Variants in CFAP58 observed in about 807,000 individuals in gnomAD.
CFAP58 encodes cilia- and flagella-associated protein 58.
In CFAP58, 88 loss-of-function variants were observed where a neutral mutation model predicts 119.5. The ratio of observed to expected loss-of-function variants is 0.74; its 90% CI spans 0.62 to 0.88. CFAP58 has a LOEUF of 0.88. Ranked by LOEUF, CFAP58 falls within the 40% of genes least tolerant of loss-of-function variation. The pLI is 0.00. For synonymous variants in CFAP58, 365 were observed against 366.3 expected (o/e 1.00, Z 0.04); for missense variants, 990 against 1,021.2 (o/e 0.97, Z 0.42).
intron 13 of CFAP58, among the ~76,000 whole-genome samples, chr10:104,401,381 G>A (rs921557669): frequency 3.3e-5 from 5 of 152,140 alleles, no homozygotes; most frequent in Non-Finnish European, 7.4e-5. Context: ...TGAAAACTTC[G>A]TTTCCTTAGA....
At chr10:104,361,664 C>T (rs558998850) in intron 2 of CFAP58, among the ~76,000 whole-genome samples, 21 of 152,302 alleles carry the variant, frequency 1.4e-4, no homozygotes, top group South Asian at 4.1e-4. Context: ...AAAAAATACC[C>T]TCTGCCAGTC....
chr10:104,371,088 C>T, intron 7 of CFAP58, 34 bp downstream of exon 7: 1 of 1,576,464 alleles, frequency 6.3e-7, no homozygotes, highest in Non-Finnish European at 8.6e-7. Context: ...CATTTAGAAA[C>T]ATTTTATTGG....
At chr10:104,453,282 A>T (rs1452277488) in intron 17 of CFAP58, among the ~76,000 whole-genome samples, 3 of 152,194 alleles carry the variant, frequency 2.0e-5, no homozygotes, top group Non-Finnish European at 2.9e-5. Context: ...CTATTTATGG[A>T]GAATGGTTTT....
At chr10:104,423,380 A>G (rs913960520) in intron 15 of CFAP58, among the ~76,000 whole-genome samples, 76 of 152,308 alleles carry the variant, frequency 5.0e-4, no homozygotes, top group African/African-American at 1.7e-3. Flanking sequence ...TTTGATATTT[A>G]TAGTTATTGA....
intron 11 of CFAP58, among the ~76,000 whole-genome samples, chr10:104,394,207 C>A (rs2012107715): frequency 6.6e-6 from 1 of 152,220 alleles, no homozygotes; most frequent in African/African-American, 2.4e-5. Context: ...ACTATACACA[C>A]CACTAAACCT....
the CFAP58 span, among the ~76,000 whole-genome samples, chr10:104,338,949 AG>A: frequency 2.5e-3 from 350 of 142,564 alleles, no homozygotes; most frequent in Non-Finnish European, 4.2e-3. Flanking sequence ...CTTGTTGCCC[AG>A]GCTGGAGTGC....
At chr10:104,452,825 C>T (rs1210996711) in intron 17 of CFAP58, among the ~76,000 whole-genome samples, 14 of 152,156 alleles carry the variant, frequency 9.2e-5, no homozygotes, top group Admixed American at 5.2e-4. Flanking sequence ...TGTCCTTACA[C>T]GCTTATTACT....
At chr10:104,409,797 T>G (rs115662239) in intron 15 of CFAP58, among the ~76,000 whole-genome samples, 1,766 of 152,318 alleles carry the variant, frequency 0.012, 41 homozygotes, top group African/African-American at 0.04. Context: ...TTTTCCTATA[T>G]TTTTACTTTT....
chr10:104,420,952 T>C (rs1284806658), intron 15 of CFAP58, among the ~76,000 whole-genome samples: 1 of 151,928 alleles, frequency 6.6e-6, no homozygotes, highest in African/African-American at 2.4e-5. Context: ...GGGTTTTTGC[T>C]ATGTTGCTCA....
intron 3 of CFAP58, among the ~76,000 whole-genome samples, chr10:104,363,839 G>T (rs2014704457): frequency 6.6e-6 from 1 of 152,232 alleles, no homozygotes; most frequent in South Asian, 2.1e-4. Context: ...GCAAGAGTCT[G>T]CAGTGCAAGT....
intron 15 of CFAP58, among the ~76,000 whole-genome samples, chr10:104,438,627 G>A (rs966075256): frequency 4.6e-5 from 7 of 152,056 alleles, no homozygotes; most frequent in Non-Finnish European, 8.8e-5. Context: ...CACCCACCTC[G>A]GCCTCCCAAA....
chr10:104,428,610 G>A (rs1187188523), intron 15 of CFAP58, among the ~76,000 whole-genome samples: 1 of 152,198 alleles, frequency 6.6e-6, no homozygotes, highest in Non-Finnish European at 1.5e-5. Context: ...ACAGGCATGA[G>A]TGCAAGTTGC....
chr10:104,393,625 C>T, intron 11 of CFAP58, 150 bp downstream of exon 11: 1 of 680,786 alleles, frequency 1.5e-6, no homozygotes, highest in South Asian at 2.1e-5. Flanking sequence ...GCACACAAGG[C>T]ACCAGGAGGA....
At chr10:104,349,033 G>T (rs752957106), upstream of CFAP58, among the ~76,000 whole-genome samples, 60 of 152,264 alleles carry the variant, frequency 3.9e-4, no homozygotes, top group Middle Eastern at 3.4e-3. Flanking sequence ...GATCACTTGA[G>T]GTCAGGAGTT....
intron 7 of CFAP58, 85 bp from the exon 8 acceptor site, chr10:104,376,726 A>C: frequency 3.0e-6 from 3 of 999,454 alleles, no homozygotes; most frequent in South Asian, 2.8e-5. Context: ...AAACATGTAA[A>C]GCAGTTTTTG....
At chr10:104,433,278 G>C (rs1242651780) in intron 15 of CFAP58, among the ~76,000 whole-genome samples, 1 of 152,158 alleles carries the variant, frequency 6.6e-6, no homozygotes, top group Non-Finnish European at 1.5e-5. Context: ...ATTTTTTGTA[G>C]AATCTTGCTA....
At position 104,428,671 on chromosome 10, in the gene CFAP58, T is replaced by C. The variant is rs527664753; in HGVS notation, c.2257-19027T>C. 3.1e-4 allele frequency among the ~76,000 whole-genome samples: 47 copies of C among 152,298 alleles called. No individual in the cohort carries two copies. In the South Asian group the frequency reaches 9.7e-3, roughly 32 times the overall value. On this transcript the variant is annotated intron_variant, in intron 15 of 17. Transcript: ENST00000369704. ...GAAGATAGGAATGCATGTTTGTGGATATGCCTGGGGATAGTATGTGTGGTT... is the reference window on the plus strand; with the variant it reads ...GAAGATAGGAATGCATGTTTGTGGACATGCCTGGGGATAGTATGTGTGGTT...
chr10:104,394,016 C>T (rs2012104404), intron 11 of CFAP58, among the ~76,000 whole-genome samples: 1 of 152,208 alleles, frequency 6.6e-6, no homozygotes, highest in South Asian at 2.1e-4. Flanking sequence ...TTTACCTCTG[C>T]AGGTCTAAGA....
chr10:104,358,476 G>A lies in CFAP58; in HGVS notation c.145G>A (p.Val49Ile). 6.2e-7 allele frequency: 1 copy of A among 1,614,072 alleles called. No individual in the cohort carries two copies. Among genetic ancestry groups the A allele is most frequent in the Non-Finnish European group, 8.5e-7 (1 of 1,180,004 alleles). ...GATTGAATATGAGAGGCTTCATGCT[G>A]TCATGAAAAAGTCTTATGACAATGA... Reference protein sequence around the residue: ...FRIEYERLHAVMKKSYDNEKR... With the variant: ...FRIEYERLHAIMKKSYDNEKR... The change falls in exon 2 of 18, where the codon GTC becomes ATC. Residue 49 changes from valine (V) to isoleucine (I), a missense_variant. Coordinates refer to ENST00000369704, the MANE Select transcript of CFAP58 (RefSeq NM_001008723.2).
Sources: gnomAD v4.1 joint callset for allele counts (sites outside exome capture counted in the v4.1 genomes callset) on GRCh38, gnomAD v4.1.1 for gene constraint, MANE v1.5 for transcripts, NCBI Gene and HGNC (gene_info 2026-07-23, HGNC 2026-07-21) for gene names.